The following SGPL1 variants were observed in gnomAD, a reference collection of about 807,000 sequenced individuals.
The protein encoded by SGPL1 is SP-lyase 1.
A neutral mutation model predicts 68.9 loss-of-function variants in SGPL1; 37 were observed. The observed-to-expected ratio is 0.54, with a 90% CI of 0.41 to 0.71. SGPL1 has a LOEUF of 0.71. SGPL1 is among the 30% of genes least tolerant of loss of function. SGPL1 has a pLI of 0.00. For synonymous variants in SGPL1, 236 were observed against 248.5 expected (o/e 0.95, Z 0.47); for missense variants, 551 against 704.6 (o/e 0.78, Z 2.47).
In SGPL1 at chr10:70,862,859, C is replaced by T. The variant is rs574463720; in HGVS notation, c.615+3360C>T. The stretch of plus-strand genomic sequence containing the variant: ...TAACACTCACCGCGAGGGTCCGCGG[C>T]TTCATTCTTGAAGTCAGTGAGACCA... On this transcript the variant is annotated intron_variant, in intron 7 of 14. Coordinates refer to ENST00000373202, the MANE Select transcript of SGPL1 (RefSeq NM_003901.4). Among the ~76,000 whole-genome samples, 4 of 152,342 alleles carry T rather than the reference C, an allele frequency of 2.6e-5. No homozygotes were observed. In the South Asian group the frequency reaches 8.3e-4, roughly 32 times the overall value.
intron 4 of SGPL1, among the ~76,000 whole-genome samples, chr10:70,854,230 A>C (rs1234249128): frequency 6.6e-6 from 1 of 150,584 alleles, no homozygotes; most frequent in African/African-American, 2.5e-5. Context: ...AATGGAGTAC[A>C]GTGGTGTGAT....
At chr10:70,870,736 TTCAC>T (rs1210534648) in intron 9 of SGPL1, among the ~76,000 whole-genome samples, 1 of 152,208 alleles carries the variant, frequency 6.6e-6, no homozygotes, top group East Asian at 1.9e-4. Context: ...TACTCAGGGT[TTCAC>T]TGCTGGTACG....
intron 2 of SGPL1, 98 bp downstream of exon 2, chr10:70,816,978 C>A: frequency 8.7e-7 from 1 of 1,150,418 alleles, no homozygotes; most frequent in Non-Finnish European, 1.3e-6. Context: ...CTGATGCTTG[C>A]TTTTGGTAGC....
At chr10:70,873,614 G>A (rs762878309) in intron 12 of SGPL1, 25 bp downstream of exon 12, 2 of 1,554,994 alleles carry the variant, frequency 1.3e-6, no homozygotes, top group Middle Eastern at 1.7e-4. Flanking sequence ...CTGGGGTTCT[G>A]CCTTGTCTAT....
At chr10:70,861,334 A>T in intron 7 of SGPL1, among the ~76,000 whole-genome samples, 1 of 152,166 alleles carries the variant, frequency 6.6e-6, no homozygotes, top group East Asian at 1.9e-4. Context: ...GCCAGAGAAA[A>T]TAGATTACCT....
At chr10:70,832,699 A>G (rs12772767) in intron 2 of SGPL1, among the ~76,000 whole-genome samples, 18,107 of 152,296 alleles carry the variant, frequency 0.12, 1,338 homozygotes, top group Non-Finnish European at 0.17. Context: ...TAAGTCATTT[A>G]GCTATTTATT....
chr10:70,846,121 T>C (rs988218047), intron 3 of SGPL1, among the ~76,000 whole-genome samples: 3 of 152,220 alleles, frequency 2.0e-5, no homozygotes, highest in African/African-American at 7.2e-5. Flanking sequence ...CCTGTGTAAA[T>C]CTGTAGCTCA....
chr10:70,864,978 T>C (rs912412043), intron 7 of SGPL1, among the ~76,000 whole-genome samples: 2 of 152,260 alleles, frequency 1.3e-5, no homozygotes, highest in Admixed American at 6.5e-5. Flanking sequence ...GTCTTCACTC[T>C]AAAGAGCCAA....
chr10:70,861,878 C>T (rs1846064974), intron 7 of SGPL1, among the ~76,000 whole-genome samples: 1 of 152,250 alleles, frequency 6.6e-6, no homozygotes, highest in Non-Finnish European at 1.5e-5. Context: ...CTGCCTTCCC[C>T]TGGGGCAGGG....
intron 4 of SGPL1, 119 bp downstream of exon 4, chr10:70,851,329 G>A (rs942659978): frequency 3.6e-6 from 3 of 834,158 alleles, no homozygotes; most frequent in South Asian, 3.0e-5. Flanking sequence ...ACCTCCAGGG[G>A]ACACTTGGCA....
intron 2 of SGPL1, among the ~76,000 whole-genome samples, chr10:70,822,795 C>CTT (rs79983712): frequency 2.9e-5 from 4 of 136,082 alleles, no homozygotes; most frequent in Non-Finnish European, 4.8e-5. Flanking sequence ...CATTATCACT[C>CTT]TTTTTTTTTT....
intron 10 of SGPL1, 23 bp from the exon 11 acceptor site, chr10:70,871,814 T>C (rs919486844): frequency 5.6e-6 from 9 of 1,611,460 alleles, no homozygotes; most frequent in Admixed American, 1.7e-5. Context: ...AATTCTCTTA[T>C]GTTCTTTGTT....
chr10:70,850,371 G>A (rs1845860436), intron 3 of SGPL1, among the ~76,000 whole-genome samples: 2 of 152,150 alleles, frequency 1.3e-5, no homozygotes, highest in Non-Finnish European at 2.9e-5. Context: ...ATCTGTGTTG[G>A]ATGAGAGGCT....
At chr10:70,867,340 A>C (rs1315441568) in intron 7 of SGPL1, among the ~76,000 whole-genome samples, 1 of 152,220 alleles carries the variant, frequency 6.6e-6, no homozygotes, top group Non-Finnish European at 1.5e-5. Flanking sequence ...AGGTGGGCAG[A>C]TCACTTGAGG....
At chr10:70,875,644 A>C in intron 13 of SGPL1, 96 bp downstream of exon 13, 3 of 914,968 alleles carry the variant, frequency 3.3e-6, no homozygotes, top group Non-Finnish European at 5.0e-6. Context: ...TGACTGCTAG[A>C]GGCTAGCACG....
At chr10:70,837,330 G>A (rs951638806) in intron 2 of SGPL1, among the ~76,000 whole-genome samples, 2 of 151,524 alleles carry the variant, frequency 1.3e-5, no homozygotes, top group East Asian at 1.9e-4. Flanking sequence ...TACCCACCTC[G>A]GCCTCCCAGA....
At chr10:70,871,687 G>T in intron 10 of SGPL1, 150 bp from the exon 11 acceptor site, 1 of 644,096 alleles carries the variant, frequency 1.6e-6, no homozygotes, top group Non-Finnish European at 2.6e-6. Flanking sequence ...ATTTTGTTGG[G>T]AATGTTAAAA....
chr10:70,877,113 G>A, intron 14 of SGPL1, 82 bp from the exon 15 acceptor site: 2 of 1,410,580 alleles, frequency 1.4e-6, no homozygotes. Context: ...TAGGACTCGG[G>A]GAGAAGGGGC....
chr10:70,842,189 T>C (rs1316832154), intron 2 of SGPL1, among the ~76,000 whole-genome samples: 1 of 152,212 alleles, frequency 6.6e-6, no homozygotes, highest in Non-Finnish European at 1.5e-5. Flanking sequence ...GACATTTACA[T>C]TATTTTTTCC....
Sources: gnomAD v4.1 joint callset for allele counts (sites outside exome capture counted in the v4.1 genomes callset) on GRCh38, gnomAD v4.1.1 for gene constraint, MANE v1.5 for transcripts, NCBI Gene and HGNC (gene_info 2026-07-23, HGNC 2026-07-21) for gene names.